Variants in CLCN5 observed in about 807,000 individuals in gnomAD.
CLCN5 encodes H(+)/Cl(-) exchange transporter 5.
In CLCN5, 17 loss-of-function variants were observed where a neutral mutation model predicts 54.0. The ratio of observed to expected loss-of-function variants is 0.31; its 90% CI spans 0.22 to 0.47. The LOEUF is 0.47. Ranked by LOEUF, CLCN5 falls within the 20% of genes least tolerant of loss-of-function variation. CLCN5 has a pLI of 1.00. For missense variants in CLCN5, 448 were observed against 646.7 expected (o/e 0.69, Z 3.33); for synonymous variants, 222 against 233.0 (o/e 0.95, Z 0.43).
intron 8 of CLCN5, among the ~76,000 whole-genome samples, chrX:50,081,025 G>C (rs1359552599): frequency 9.0e-6 from 1 of 111,354 alleles, no homozygotes; most frequent in East Asian, 2.8e-4. Flanking sequence ...CAGTGTTATT[G>C]TCAGCTTTTT....
chrX:49,980,828 G>A (rs1423806642), intron 3 of CLCN5, among the ~76,000 whole-genome samples: 2 of 111,439 alleles, frequency 1.8e-5, no homozygotes, highest in Non-Finnish European at 3.8e-5. Context: ...TCTTGTTGGT[G>A]TAATGTTTTT....
chrX:50,078,810 C>G (rs1933550193), intron 7 of CLCN5, among the ~76,000 whole-genome samples: 1 of 111,786 alleles, frequency 8.9e-6, no homozygotes, highest in South Asian at 3.7e-4. Context: ...AAAGAGTCCT[C>G]TAGGTTTTGG....
At chrX:49,956,469 A>G (rs1315836150) in intron 3 of CLCN5, among the ~76,000 whole-genome samples, 1 of 112,395 alleles carries the variant, frequency 8.9e-6, no homozygotes, top group African/African-American at 3.2e-5. Context: ...ACTAATGTCT[A>G]CTAGCCTATT....
At position 50,090,534 on chromosome X, in the gene CLCN5, G is replaced by A. The variant is rs200670912; in HGVS notation, c.2143+20G>A. On this transcript the variant is annotated intron_variant, in intron 13 of 14. Coordinates refer to ENST00000376091, the MANE Select transcript of CLCN5 (RefSeq NM_001127898.4). ...CAATTGGTAAGGATTTCAGAAAGGG[G>A]ATAGTGGAATCCACTGTGGAACTCA... The A allele has an allele frequency of 8.4e-7, 1 of 1,193,541 alleles. No homozygotes were observed. The highest frequency in any genetic ancestry group is 3.0e-5 in the East Asian group (1 of 33,336).
At chrX:50,043,768 T>A (rs1932302682) in intron 4 of CLCN5, among the ~76,000 whole-genome samples, 1 of 111,981 alleles carries the variant, frequency 8.9e-6, no homozygotes, top group South Asian at 3.7e-4. Flanking sequence ...AAAATGTTTA[T>A]ATAGCCATGT....
chrX:49,947,363 T>C (rs1926813120), intron 3 of CLCN5, among the ~76,000 whole-genome samples: 1 of 110,884 alleles, frequency 9.0e-6, no homozygotes. Context: ...GCCTATCAGA[T>C]ATCCACCTAG....
intron 3 of CLCN5, among the ~76,000 whole-genome samples, chrX:49,988,396 A>G (rs782737539): frequency 8.1e-5 from 9 of 111,648 alleles, no homozygotes; most frequent in Non-Finnish European, 1.5e-4. Flanking sequence ...TGCATTCTTT[A>G]TGTGACTTCC....
rs35768604 is a variant in CLCN5 at position 50,077,812 on chromosome X, CAAAAAAAAAAAAAAAAAAAAAAA to C, written c.603+1845_603+1867del. Among the ~76,000 whole-genome samples the C allele has an allele frequency of 4.9e-4, 11 of 22,339 alleles. No individual in the cohort carries two copies. The South Asian group carries it at 0.012, about 24-fold the overall frequency. 19.4% of individuals were successfully genotyped at this position (22,339 alleles called of 115,157 possible). A position where few individuals can be genotyped will look rare whatever the true frequency, so the allele number is the denominator to read the frequency against. On this transcript the variant is annotated intron_variant, in intron 7 of 14. Transcript: ENST00000376091. ...CCAACATGGTGAAACCCTGTCTCTACAAAAAAAAAAAAAAAAAAAAAAAAAAAAAAAAAAAAACATGTATATAC... is the reference window on the plus strand; with the variant it reads ...CCAACATGGTGAAACCCTGTCTCTACAAAAAAAAAAAAAACATGTATATAC...
chrX:49,956,931 G>C (rs1337229574), intron 3 of CLCN5, among the ~76,000 whole-genome samples: 1 of 111,245 alleles, frequency 9.0e-6, no homozygotes, highest in Non-Finnish European at 1.9e-5. Context: ...AATTGACTTG[G>C]TCCTGTATAG....
intron 3 of CLCN5, among the ~76,000 whole-genome samples, chrX:50,029,230 T>C (rs894580391): frequency 1.2e-3 from 128 of 111,122 alleles, no homozygotes; most frequent in African/African-American, 4.0e-3. Context: ...TATACATGTG[T>C]CATGTTGGTG....
At position 50,040,599 on chromosome X, in the gene CLCN5, C is replaced by T. The variant is rs182231004; in HGVS notation, c.17-1717C>T. Among the ~76,000 whole-genome samples the T allele has an allele frequency of 3.3e-4, 37 of 112,023 alleles. No individual in the cohort carries two copies. In the East Asian group the frequency reaches 9.7e-3, roughly 29 times the overall value. Reference sequence around the variant, plus strand: ...ATTTATGCGGTACAGTGTGATGTTTCAATACATGTATACTTTGTGTAATGA... The same window carrying T: ...ATTTATGCGGTACAGTGTGATGTTTTAATACATGTATACTTTGTGTAATGA... On this transcript the variant is annotated intron_variant, in intron 3 of 14. Transcript: ENST00000376091.
chrX:50,054,914 C>T (rs1317179553), intron 4 of CLCN5, among the ~76,000 whole-genome samples: 2 of 111,574 alleles, frequency 1.8e-5, no homozygotes, highest in Non-Finnish European at 3.8e-5. Context: ...ATTCATGACA[C>T]GTGGTAGAGG....
intron 3 of CLCN5, among the ~76,000 whole-genome samples, chrX:49,996,205 A>G (rs1479272099): frequency 8.9e-6 from 1 of 112,062 alleles, no homozygotes; most frequent in African/African-American, 3.2e-5. Flanking sequence ...AAGACTGTGT[A>G]AGATTCATCT....
At chrX:49,981,103 A>G (rs1404222413) in intron 3 of CLCN5, among the ~76,000 whole-genome samples, 2 of 111,721 alleles carry the variant, frequency 1.8e-5, no homozygotes, top group Non-Finnish European at 1.9e-5. Context: ...TCTCTCACAC[A>G]TTGAGTGTAA....
intron 9 of CLCN5, among the ~76,000 whole-genome samples, chrX:50,084,327 C>T (rs1557193597): frequency 1.8e-5 from 2 of 111,693 alleles, no homozygotes; most frequent in African/African-American, 6.5e-5. Flanking sequence ...CCATCATTGA[C>T]TGAAACGTTG....
rs782347810 is a variant in CLCN5, at chrX:50,090,827, G to A, written c.2301G>A (p.Glu767=). ...PFTVTDLTPM[E]IVVDIFRKLG... ...CTGTGACTGACCTTACACCCATGGA[G>A]ATCGTAGTGGATATTTTCCGAAAGC... The change falls in exon 14 of 15, where the codon GAG becomes GAA. Residue 767 remains glutamate, a synonymous_variant. Transcript: ENST00000376091. The A allele has an allele frequency of 8.3e-7, 1 of 1,211,351 alleles. No individual in the cohort carries two copies. Among genetic ancestry groups the A allele is most frequent in the Admixed American group, 2.2e-5 (1 of 45,943 alleles).
chrX:49,932,904 G>A (rs1205328723), intron 3 of CLCN5, among the ~76,000 whole-genome samples: 7 of 112,344 alleles, frequency 6.2e-5, no homozygotes, highest in African/African-American at 1.9e-4. Context: ...ACATTGCAGT[G>A]TATTTGTAAA....
rs782315782 is a variant in CLCN5 at position 49,982,907 on chromosome X, T to C, written c.16+57593T>C. On this transcript the variant is annotated intron_variant, in intron 3 of 14. Transcript: ENST00000376091. Reference sequence around the variant, plus strand: ...TGTATTAGTGTGCTACAAATACTTATTTTAATAGCTAAATTAAATAATATC... The same window carrying C: ...TGTATTAGTGTGCTACAAATACTTACTTTAATAGCTAAATTAAATAATATC... Among the ~76,000 whole-genome samples, 122 of 112,283 alleles carry C rather than the reference T, an allele frequency of 1.1e-3. 1 individual carries two copies. Among genetic ancestry groups the C allele is most frequent in the Non-Finnish European group, 1.2e-3 (66 of 53,212 alleles).
intron 3 of CLCN5, among the ~76,000 whole-genome samples, chrX:50,001,411 A>AT (rs1353936977): frequency 1.6e-4 from 18 of 109,564 alleles, no homozygotes; most frequent in African/African-American, 3.7e-4. Context: ...AAAAAAAAAA[A>AT]TTTTTTTGAA....
Sources: allele counts gnomAD v4.1 joint callset (sites outside exome capture counted in the v4.1 genomes callset), GRCh38; gene constraint gnomAD v4.1.1; transcripts MANE v1.5; gene names NCBI Gene and HGNC (gene_info 2026-07-23, HGNC 2026-07-21).